Variants in SYT1 observed in about 807,000 individuals in gnomAD.
SYT1 encodes synaptotagmin 1.
SYT1 carries 8 observed loss-of-function variants against 44.8 expected under a neutral mutation model. The observed-to-expected ratio is 0.18, with a 90% CI of 0.10 to 0.32. The LOEUF is 0.32. Among genes scored for constraint, SYT1 ranks in the 10% least tolerant of loss-of-function variants. The probability of loss-of-function intolerance (pLI) is 1.00; values close to 1 mark genes in which losing one functional copy is unlikely to be tolerated. For synonymous variants in SYT1, 154 were observed against 188.8 expected, an observed-to-expected ratio of 0.82 and a Z score of 1.51; for missense variants, 286 against 509.3, an observed-to-expected ratio of 0.56 and a Z score of 4.22.
intron 9 of SYT1, among the ~76,000 whole-genome samples, chr12:79,421,172 G>T (rs1869090456): frequency 6.6e-6 from 1 of 151,998 alleles, no homozygotes; most frequent in Admixed American, 6.6e-5. Context: ...ATAAATGAAT[G>T]AATAAATAAT....
intron 9 of SYT1, among the ~76,000 whole-genome samples, chr12:79,389,399 GTTAAT>G (rs1409913213): frequency 6.6e-6 from 1 of 152,118 alleles, no homozygotes; most frequent in Non-Finnish European, 1.5e-5. Flanking sequence ...ACCATTTTTA[GTTAAT>G]TTAAGAAAAT....
chr12:79,109,416 G>A lies in SYT1; in HGVS notation c.-18+62054G>A, dbSNP rs556163863. Among the ~76,000 whole-genome samples, 6 of 152,160 alleles carry A rather than the reference G, an allele frequency of 3.9e-5. No individual in the cohort carries two copies. In the South Asian group the frequency reaches 1.2e-3, roughly 31 times the overall value. ...GTCAGAGAAGTTACATGAATGTCCA[G>A]GATGGTGGGACTTGGAGGAGGAATG... On this transcript the variant is annotated intron_variant, in intron 3 of 10. Coordinates refer to ENST00000261205, the MANE Select transcript of SYT1 (RefSeq NM_005639.3).
intron 3 of SYT1, among the ~76,000 whole-genome samples, chr12:79,191,028 T>C (rs1873086713): frequency 6.6e-6 from 1 of 151,924 alleles, no homozygotes; most frequent in East Asian, 1.9e-4. Context: ...GCAGAGAGGA[T>C]TAGAGGTTTA....
intron 8 of SYT1, among the ~76,000 whole-genome samples, chr12:79,302,052 T>C (rs1292177238): frequency 6.6e-6 from 1 of 152,210 alleles, no homozygotes; most frequent in African/African-American, 2.4e-5. Flanking sequence ...TTCATGCCAC[T>C]GTCCATTAAT....
chr12:79,426,253 G>C (rs539931348), intron 9 of SYT1, among the ~76,000 whole-genome samples: 2 of 152,188 alleles, frequency 1.3e-5, no homozygotes, highest in Non-Finnish European at 2.9e-5. Context: ...GCTTGCTTTA[G>C]AGTATTTCCT....
At chr12:79,024,067 A>G (rs1253963687) in intron 2 of SYT1, among the ~76,000 whole-genome samples, 4 of 151,926 alleles carry the variant, frequency 2.6e-5, no homozygotes, top group Non-Finnish European at 4.4e-5. Flanking sequence ...GAGGGAGAGA[A>G]CTGCTGTTTT....
At chr12:78,888,035 A>T (rs1874843120) in intron 1 of SYT1, among the ~76,000 whole-genome samples, 1 of 151,938 alleles carries the variant, frequency 6.6e-6, no homozygotes, top group South Asian at 2.1e-4. Context: ...AGTTATAATT[A>T]GTAGTGGAAC....
intron 2 of SYT1, among the ~76,000 whole-genome samples, chr12:79,012,096 C>T (rs1054521954): frequency 2.0e-5 from 3 of 148,476 alleles, no homozygotes; most frequent in African/African-American, 7.5e-5. Flanking sequence ...CAGCCCACTG[C>T]ACTCCAGCCT....
chr12:79,002,248 A>G (rs1160699721), intron 2 of SYT1, among the ~76,000 whole-genome samples: 2 of 152,152 alleles, frequency 1.3e-5, no homozygotes, highest in Non-Finnish European at 2.9e-5. Context: ...GCAAGAACAA[A>G]GTGCATCAAT....
At chr12:79,200,773 A>T (rs542073157) in intron 3 of SYT1, among the ~76,000 whole-genome samples, 7 of 152,286 alleles carry the variant, frequency 4.6e-5, no homozygotes, top group Non-Finnish European at 8.8e-5. Context: ...TCAATATTAG[A>T]TTCCAACATA....
chr12:79,300,814 T>A (rs1332973012), intron 8 of SYT1, among the ~76,000 whole-genome samples: 1 of 139,616 alleles, frequency 7.2e-6, no homozygotes, highest in Non-Finnish European at 1.5e-5. Flanking sequence ...TATATATATA[T>A]ATATATATAT....
chr12:78,987,073 T>C (rs1209208643), intron 2 of SYT1, among the ~76,000 whole-genome samples: 1 of 152,082 alleles, frequency 6.6e-6, no homozygotes, highest in African/African-American at 2.4e-5. Context: ...ACCTTAAATT[T>C]CAGATGCTTC....
intron 9 of SYT1, among the ~76,000 whole-genome samples, chr12:79,357,829 G>A (rs1369082358): frequency 6.6e-6 from 1 of 152,158 alleles, no homozygotes; most frequent in Non-Finnish European, 1.5e-5. Flanking sequence ...ACACATCTCT[G>A]TGTGGAGTAA....
chr12:79,366,731 A>G (rs1044189813), intron 9 of SYT1, among the ~76,000 whole-genome samples: 1 of 152,242 alleles, frequency 6.6e-6, no homozygotes, highest in African/African-American at 2.4e-5. Context: ...ATATTGTTGA[A>G]TAAACAAATG....
intron 1 of SYT1, among the ~76,000 whole-genome samples, chr12:78,878,132 G>A (rs916607712): frequency 1.3e-5 from 2 of 151,618 alleles, no homozygotes; most frequent in Non-Finnish European, 3.0e-5. Context: ...TTGATATATT[G>A]CACTCTTTTT....
At chr12:78,961,866 T>A (rs1879522530) in intron 1 of SYT1, among the ~76,000 whole-genome samples, 1 of 152,156 alleles carries the variant, frequency 6.6e-6, no homozygotes. Flanking sequence ...GCTGATATTA[T>A]ACTTTAGCAA....
chr12:79,195,694 A>G (rs1873410368), intron 3 of SYT1, among the ~76,000 whole-genome samples: 1 of 152,182 alleles, frequency 6.6e-6, no homozygotes, highest in African/African-American at 2.4e-5. Context: ...AAACACTGAA[A>G]GTAATGATTT....
At chr12:79,043,894 T>C (rs577199563) in intron 2 of SYT1, among the ~76,000 whole-genome samples, 1 of 152,302 alleles carries the variant, frequency 6.6e-6, no homozygotes, top group Non-Finnish European at 1.5e-5. Context: ...GAAGTTTAGT[T>C]TGGCTGGATA....
intron 1 of SYT1, among the ~76,000 whole-genome samples, chr12:78,930,582 G>A (rs1284579137): frequency 6.6e-6 from 1 of 151,722 alleles, no homozygotes; most frequent in Non-Finnish European, 1.5e-5. Flanking sequence ...AAGGATGATC[G>A]AAGCCTCAAT....
Sources: gnomAD v4.1 joint callset for allele counts (sites outside exome capture counted in the v4.1 genomes callset) on GRCh38, gnomAD v4.1.1 for gene constraint, MANE v1.5 for transcripts, NCBI Gene and HGNC (gene_info 2026-07-23, HGNC 2026-07-21) for gene names.